The following BMPR1B variants were observed in gnomAD, a reference collection of about 807,000 sequenced individuals.
BMPR1B encodes bone morphogenetic protein receptor type 1B, also known as bone morphogenetic protein receptor type-1B.
In BMPR1B, 12 loss-of-function variants were observed where a neutral mutation model predicts 59.1. The observed-to-expected ratio is 0.20, with a 90% CI of 0.13 to 0.33. The LOEUF (loss-of-function observed/expected upper bound fraction) is 0.33. BMPR1B is among the 10% of genes least tolerant of loss of function. The pLI, the probability that BMPR1B is intolerant of heterozygous loss-of-function variation, is 1.00. For missense variants in BMPR1B, 550 were observed against 610.9 expected (o/e 0.90, Z 1.05); for synonymous variants, 237 against 207.3 (o/e 1.14, Z -1.23).
chr4:95,110,832 A>T lies in BMPR1B; in HGVS notation c.144-3888A>T, dbSNP rs369193534. Among the ~76,000 whole-genome samples, 14 of 152,314 alleles carry T rather than the reference A, an allele frequency of 9.2e-5. No homozygotes were observed. In the East Asian group the frequency reaches 2.3e-3, roughly 25 times the overall value. On this transcript the variant is annotated intron_variant, in intron 4 of 12. Transcript: ENST00000515059. ...ATAGTATGCTTGATAAGTGTAAAACATACCACTGTTAACAAAGCTATGAGC... is the reference window on the plus strand; with the variant it reads ...ATAGTATGCTTGATAAGTGTAAAACTTACCACTGTTAACAAAGCTATGAGC...
intron 9 of BMPR1B, among the ~76,000 whole-genome samples, chr4:95,130,896 A>G (rs1157172890): frequency 6.6e-6 from 1 of 151,484 alleles, no homozygotes; most frequent in African/African-American, 2.4e-5. Flanking sequence ...TGCCCAGCTA[A>G]TTTTTGTATT....
intron 3 of BMPR1B, among the ~76,000 whole-genome samples, chr4:95,046,242 G>A (rs1338850604): frequency 6.6e-6 from 1 of 152,006 alleles, no homozygotes; most frequent in Non-Finnish European, 1.5e-5. Context: ...CTTGACTTAA[G>A]AGATACTTTG....
chr4:94,917,356 C>T (rs1046572060), intron 2 of BMPR1B, among the ~76,000 whole-genome samples: 11 of 152,232 alleles, frequency 7.2e-5, no homozygotes, highest in Non-Finnish European at 1.6e-4. Context: ...AGGCATTTAA[C>T]TTCAACCTGT....
chr4:95,002,335 A>C (rs1465672851), intron 3 of BMPR1B, among the ~76,000 whole-genome samples: 1 of 152,304 alleles, frequency 6.6e-6, no homozygotes, highest in South Asian at 2.1e-4. Context: ...ATGGCAGTGT[A>C]GTACCATGGT....
chr4:95,143,211 C>T (rs974849698), intron 10 of BMPR1B, among the ~76,000 whole-genome samples: 7 of 152,222 alleles, frequency 4.6e-5, no homozygotes, highest in East Asian at 1.9e-4. Flanking sequence ...CTAAGGGGCA[C>T]GCCAGGGGTG....
intron 2 of BMPR1B, among the ~76,000 whole-genome samples, chr4:94,878,197 T>C (rs1726808032): frequency 6.6e-6 from 1 of 152,226 alleles, no homozygotes; most frequent in Non-Finnish European, 1.5e-5. Context: ...TGACTAATAT[T>C]TGTTTCAGGA....
intron 1 of BMPR1B, among the ~76,000 whole-genome samples, chr4:94,802,631 A>G (rs1464321566): frequency 6.6e-6 from 1 of 151,810 alleles, no homozygotes. Context: ...TTTTGATAGA[A>G]TTAGAGGAAA....
intron 1 of BMPR1B, among the ~76,000 whole-genome samples, chr4:94,869,268 A>G (rs979296695): frequency 2.4e-4 from 36 of 152,214 alleles, no homozygotes; most frequent in African/African-American, 8.4e-4. Context: ...CATCATTCAT[A>G]TATTGTATGA....
At chr4:95,133,384 C>G (rs1275936199) in intron 10 of BMPR1B, among the ~76,000 whole-genome samples, 1 of 152,024 alleles carries the variant, frequency 6.6e-6, no homozygotes, top group Non-Finnish European at 1.5e-5. Flanking sequence ...CTTTTCTGAC[C>G]CTGGGCTATT....
chr4:94,898,193 C>T (rs1553916622), intron 2 of BMPR1B, among the ~76,000 whole-genome samples: 1 of 151,940 alleles, frequency 6.6e-6, no homozygotes, highest in South Asian at 2.1e-4. Flanking sequence ...CTCAAGCTGT[C>T]CTCCTTCCTC....
intron 2 of BMPR1B, among the ~76,000 whole-genome samples, chr4:94,940,044 G>A (rs536668215): frequency 6.7e-4 from 102 of 152,112 alleles, no homozygotes; most frequent in Non-Finnish European, 1.3e-3. Flanking sequence ...AGTTAGGCCA[G>A]CAACACTAAT....
At chr4:94,904,124 C>T (rs896666126) in intron 2 of BMPR1B, among the ~76,000 whole-genome samples, 2 of 152,034 alleles carry the variant, frequency 1.3e-5, no homozygotes, top group Non-Finnish European at 2.9e-5. Context: ...GTATTCCATA[C>T]AATAATACTT....
intron 1 of BMPR1B, among the ~76,000 whole-genome samples, chr4:94,805,315 C>T (rs1423819356): frequency 1.3e-5 from 2 of 151,416 alleles, no homozygotes; most frequent in African/African-American, 2.5e-5. Context: ...TACACTGACA[C>T]TCAGGGAATC....
intron 1 of BMPR1B, among the ~76,000 whole-genome samples, chr4:94,872,592 A>G (rs1487082299): frequency 6.6e-6 from 1 of 152,154 alleles, no homozygotes; most frequent in Non-Finnish European, 1.5e-5. Context: ...TTTATTATCA[A>G]AGAAAAATGC....
intron 3 of BMPR1B, among the ~76,000 whole-genome samples, chr4:95,005,663 A>G (rs1722769945): frequency 6.6e-6 from 1 of 151,398 alleles, no homozygotes; most frequent in African/African-American, 2.4e-5. Context: ...TATCTTGTTC[A>G]TAAATGTCAG....
chr4:94,980,759 A>G (rs866283582), intron 2 of BMPR1B, among the ~76,000 whole-genome samples: 10 of 152,248 alleles, frequency 6.6e-5, no homozygotes, highest in South Asian at 4.1e-4. Context: ...AATGAATACA[A>G]ATCATTGTCA....
At chr4:95,097,054 TATATAGTTATATATTTAC>T (rs1730469510) in intron 3 of BMPR1B, among the ~76,000 whole-genome samples, 1 of 145,702 alleles carries the variant, frequency 6.9e-6, no homozygotes, top group South Asian at 2.1e-4. Flanking sequence ...TACATAACTG[TATATAGTTATATATTTAC>T]ATATAGTTAT....
At chr4:95,129,198 A>G (rs982707291) in intron 8 of BMPR1B, among the ~76,000 whole-genome samples, 2 of 152,138 alleles carry the variant, frequency 1.3e-5, no homozygotes, top group African/African-American at 2.4e-5. Context: ...CATGCTACCA[A>G]CCCATAGCAA....
chr4:94,980,796 A>G (rs747322977), intron 2 of BMPR1B, among the ~76,000 whole-genome samples: 5 of 152,208 alleles, frequency 3.3e-5, no homozygotes, highest in Non-Finnish European at 5.9e-5. Flanking sequence ...AATATAGTCT[A>G]CTAGACAAGG....
Sources: gnomAD v4.1 joint callset for allele counts (sites outside exome capture counted in the v4.1 genomes callset) on GRCh38, gnomAD v4.1.1 for gene constraint, MANE v1.5 for transcripts, NCBI Gene and HGNC (gene_info 2026-07-23, HGNC 2026-07-21) for gene names.